Variants in EXTL3 observed in about 807,000 individuals in gnomAD.
The protein encoded by EXTL3 is exostosin-like 3.
Under a neutral mutation model 69.3 loss-of-function variants are expected in EXTL3, and 27 were observed. That is an observed-to-expected ratio of 0.39 (90% CI 0.29 to 0.54). EXTL3 has a LOEUF of 0.54. Among genes scored for constraint, EXTL3 ranks in the 20% least tolerant of loss-of-function variants. The pLI, the probability that EXTL3 is intolerant of heterozygous loss-of-function variation, is 0.69. For missense variants in EXTL3, 1,003 were observed against 1,231.8 expected (o/e 0.81, Z 2.78); for synonymous variants, 511 against 499.4 (o/e 1.02, Z -0.31).
intron 1 of EXTL3, among the ~76,000 whole-genome samples, chr8:28,691,529 G>A (rs1800611917): frequency 6.7e-6 from 1 of 150,132 alleles, no homozygotes; most frequent in Non-Finnish European, 1.5e-5. Flanking sequence ...CTCATGAGCT[G>A]GAAGGAAGCC....
At chr8:28,698,887 G>A (rs995717480), upstream of EXTL3, among the ~76,000 whole-genome samples, 7 of 152,212 alleles carry the variant, frequency 4.6e-5, no homozygotes, top group East Asian at 3.9e-4. Flanking sequence ...CCAGTTACTC[G>A]GGAGGGTGGG....
rs920452382 is a variant in EXTL3, at chr8:28,751,171, G to T, written c.*305G>T. On this transcript the variant is annotated 3_prime_UTR_variant, in exon 7 of 7. Transcript: ENST00000220562. ...TTCGTACGCCCAGGACAGCTGGTTCGTGGTTTTTACATTCAATAACAACTA... is the reference window on the plus strand; with the variant it reads ...TTCGTACGCCCAGGACAGCTGGTTCTTGGTTTTTACATTCAATAACAACTA... The T allele has an allele frequency of 4.6e-5, 19 of 412,910 alleles. No individual in the cohort carries two copies. Among genetic ancestry groups the T allele is most frequent in the Non-Finnish European group, 6.7e-5 (15 of 225,268 alleles). 25.6% of individuals were successfully genotyped at this position (412,910 alleles called of 1,614,324 possible).
At chr8:28,729,046 A>T (rs1354164103) in intron 3 of EXTL3, among the ~76,000 whole-genome samples, 1 of 152,018 alleles carries the variant, frequency 6.6e-6, no homozygotes, top group Non-Finnish European at 1.5e-5. Flanking sequence ...CTGTAATCCC[A>T]GCACTTTGAG....
chr8:28,744,833 T>C (rs1801856348), intron 6 of EXTL3, among the ~76,000 whole-genome samples: 1 of 148,246 alleles, frequency 6.7e-6, no homozygotes. Flanking sequence ...CACAGTAGCA[T>C]GCGCCTGTAA....
intron 6 of EXTL3, among the ~76,000 whole-genome samples, chr8:28,744,399 T>C (rs949654471): frequency 6.6e-6 from 1 of 152,250 alleles, no homozygotes; most frequent in African/African-American, 2.4e-5. Flanking sequence ...GGCTCATGCC[T>C]GTAATCCCAG....
At chr8:28,653,634 T>C (rs1806960985) in intron 1 of EXTL3, among the ~76,000 whole-genome samples, 1 of 152,234 alleles carries the variant, frequency 6.6e-6, no homozygotes, top group African/African-American at 2.4e-5. Flanking sequence ...CTTTTTCCCA[T>C]TGAGTGGCCT....
At chr8:28,686,270 G>A (rs1376495430) in intron 1 of EXTL3, among the ~76,000 whole-genome samples, 1 of 151,298 alleles carries the variant, frequency 6.6e-6, no homozygotes, top group Admixed American at 6.6e-5. Context: ...CATGGGGGTG[G>A]ATCACTTGAG....
intron 3 of EXTL3, among the ~76,000 whole-genome samples, chr8:28,721,248 T>C (rs142763098): frequency 2.0e-4 from 31 of 152,334 alleles, no homozygotes; most frequent in African/African-American, 7.5e-4. Context: ...TTGAGTTCTT[T>C]TATATGTAGC....
chr8:28,742,940 A>G (rs375145608), intron 5 of EXTL3, 146 bp from the exon 6 acceptor site: 11 of 827,150 alleles, frequency 1.3e-5, no homozygotes, highest in African/African-American at 1.2e-4. Flanking sequence ...GATGTCTCGA[A>G]TCCCCTGCCC....
At chr8:28,722,171 C>T (rs1440126669) in intron 3 of EXTL3, among the ~76,000 whole-genome samples, 2 of 152,020 alleles carry the variant, frequency 1.3e-5, no homozygotes, top group African/African-American at 2.4e-5. Context: ...CCAGTGCATC[C>T]GGGTGGCGCG....
intron 1 of EXTL3, among the ~76,000 whole-genome samples, chr8:28,686,765 G>A (rs1035248853): frequency 2.6e-5 from 4 of 152,170 alleles, no homozygotes; most frequent in African/African-American, 4.8e-5. Flanking sequence ...CATTCCACCC[G>A]GTAGCAATGG....
chr8:28,728,467 A>G (rs1228315459), intron 3 of EXTL3, among the ~76,000 whole-genome samples: 1 of 152,190 alleles, frequency 6.6e-6, no homozygotes, highest in African/African-American at 2.4e-5. Flanking sequence ...CTGCAGGGCA[A>G]GGTGGATTTC....
chr8:28,730,958 G>T (rs1247443809), intron 3 of EXTL3, among the ~76,000 whole-genome samples: 1 of 152,176 alleles, frequency 6.6e-6, no homozygotes, highest in Non-Finnish European at 1.5e-5. Context: ...TTTATTGCGT[G>T]TATAAAATAA....
At chr8:28,640,278 G>A (rs1425945429) in intron 1 of EXTL3, among the ~76,000 whole-genome samples, 1 of 152,100 alleles carries the variant, frequency 6.6e-6, no homozygotes, top group African/African-American at 2.4e-5. Flanking sequence ...TTCTCTTCTA[G>A]ATTTTAGAAT....
intron 1 of EXTL3, among the ~76,000 whole-genome samples, chr8:28,643,605 A>G (rs954666922): frequency 6.6e-6 from 1 of 150,606 alleles, no homozygotes; most frequent in Non-Finnish European, 1.5e-5. Context: ...TTTTTAGTAG[A>G]GATGGGGTTT....
At position 28,755,132 on chromosome 8, in the gene EXTL3, C is replaced by G. The variant is rs1435786775; in HGVS notation, c.*4266C>G. ...AATAATATAATATACGTAGAGTCCA[C>G]TGTTTGACACAATAAAAATGAACTA... On this transcript the variant is annotated 3_prime_UTR_variant, in exon 7 of 7. Transcript: ENST00000220562. 6.6e-6 allele frequency: 1 copy of G among 152,216 alleles called. No homozygotes were observed. The highest frequency in any genetic ancestry group is 1.5e-5 in the Non-Finnish European group (1 of 68,022). The allele number at this position is 152,216 out of a possible 1,614,324, so 9.4% of individuals were successfully genotyped here.
chr8:28,622,202 C>T (rs940602049), upstream of EXTL3, among the ~76,000 whole-genome samples: 12 of 152,242 alleles, frequency 7.9e-5, no homozygotes, highest in Admixed American at 6.5e-5. Context: ...AAAGCTTGCC[C>T]TAGTCTTAAC....
intron 1 of EXTL3, among the ~76,000 whole-genome samples, chr8:28,633,985 G>A (rs1806614170): frequency 6.6e-6 from 1 of 152,116 alleles, no homozygotes; most frequent in South Asian, 2.1e-4. Context: ...TGGTAGGAGT[G>A]GAAATCCCAT....
chr8:28,716,590 C>T lies in EXTL3; in HGVS notation c.531C>T (p.Cys177=), dbSNP rs529663077. The T allele has an allele frequency of 1.2e-6, 2 of 1,614,232 alleles. No homozygotes were observed. Among genetic ancestry groups the T allele is most frequent in the East Asian group, 2.2e-5 (1 of 44,882 alleles). Reference sequence around the variant, plus strand: ...CTCCCCCGAAGGCCACTCGGGGCTGCCGGCTACACAACTGCTTTGATTATT... The same window carrying T: ...CTCCCCCGAAGGCCACTCGGGGCTGTCGGCTACACAACTGCTTTGATTATT... The part of the protein sequence containing the change: ...GLPPPKATRG[C]RLHNCFDYSR... The change falls in exon 3 of 7, where the codon TGC becomes TGT. Residue 177 remains cysteine (C), a synonymous_variant. Coordinates refer to ENST00000220562, the MANE Select transcript of EXTL3 (RefSeq NM_001440.4). The surrounding 1 kb of genome is among the most constrained non-coding windows in gnomAD (Gnocchi z 7.1).
Sources: gnomAD v4.1 joint callset for allele counts (sites outside exome capture counted in the v4.1 genomes callset) on GRCh38, gnomAD v4.1.1 for gene constraint, Gnocchi (gnomAD v3.1) non-coding constraint, MANE v1.5 for transcripts, NCBI Gene and HGNC (gene_info 2026-07-23, HGNC 2026-07-21) for gene names.